Variants in RDH14 observed in about 807,000 individuals in gnomAD.
RDH14 encodes the protein alcohol dehydrogenase PAN2.
In RDH14, 17 loss-of-function variants were observed where a neutral mutation model predicts 19.3. The observed-to-expected ratio is 0.88, with a 90% CI of 0.60 to 1.32. The LOEUF is 1.32. RDH14 is among the 40% of genes most tolerant of loss of function. The pLI is 0.00. For missense variants in RDH14, 534 were observed against 449.2 expected (o/e 1.19, Z -1.71); for synonymous variants, 215 against 188.9 (o/e 1.14, Z -1.13).
chr2:18,559,499 TTTTCA>T (rs1375539432), intron 1 of RDH14, among the ~76,000 whole-genome samples: 3 of 152,194 alleles, frequency 2.0e-5, no homozygotes, highest in South Asian at 2.1e-4. Context: ...GGACACTTCA[TTTTCA>T]TTTAAGACAA....
At chr2:18,558,916 G>A (rs1258800513) in intron 1 of RDH14, among the ~76,000 whole-genome samples, 1 of 152,202 alleles carries the variant, frequency 6.6e-6, no homozygotes, top group East Asian at 1.9e-4. Context: ...CCTTACATAT[G>A]TGATTGATGT....
In RDH14 at chr2:18,555,391, C is replaced by G. The variant is rs780348222; in HGVS notation, c.811G>C (p.Val271Leu). ...GGAGTTTTGAAAAAAGCCCATGACA[C>G]CAAATTGAAGAGTGGTTTGACCAAC... ...PLLVKPLFNL[V>L]SWAFFKTPVE... Residue 271 changes from valine to leucine, a missense_variant, in exon 2 of 2, where the codon GTG becomes CTG. Transcript: ENST00000381249. 3.7e-6 allele frequency: 6 copies of G among 1,613,916 alleles called. No individual in the cohort carries two copies. In the African/African-American group the frequency reaches 5.3e-5, roughly 14 times the overall value.
chr2:18,556,841 A>G (rs2148052952), intron 1 of RDH14, among the ~76,000 whole-genome samples: 1 of 152,340 alleles, frequency 6.6e-6, no homozygotes, highest in East Asian at 1.9e-4. Context: ...TTTATTCTGT[A>G]GTTCTCTCAG....
chr2:18,560,104 C>A, intron 1 of RDH14, 76 bp downstream of exon 1: 1 of 1,449,556 alleles, frequency 6.9e-7, no homozygotes, highest in Non-Finnish European at 9.1e-7. Flanking sequence ...TCCCTCGCGG[C>A]TCAGCCCCAG....
intron 1 of RDH14, among the ~76,000 whole-genome samples, chr2:18,557,280 T>C (rs1272667414): frequency 6.6e-6 from 1 of 152,188 alleles, no homozygotes; most frequent in Admixed American, 6.5e-5. Context: ...TGAGGTCAAC[T>C]TTCAAATTTC....
Position 18,555,338 on chromosome 2 carries a change from A to G in RDH14, c.864T>C (p.Tyr288=). ...CTTCTACCTCAGGTGAAGAGGCCAAATAAATGGAAGTCTGGGCACCTTCTA... is the reference window on the plus strand; with the variant it reads ...CTTCTACCTCAGGTGAAGAGGCCAAGTAAATGGAAGTCTGGGCACCTTCTA... ...TPVEGAQTSI[Y]LASSPEVEGV... is the part of the protein sequence containing the mutation. Residue 288 remains tyrosine, a synonymous_variant, in exon 2 of 2, where the codon TAT becomes TAC. Coordinates refer to ENST00000381249, the MANE Select transcript of RDH14 (RefSeq NM_020905.4). 3 of 1,614,096 alleles carry G rather than the reference A, an allele frequency of 1.9e-6. No individual in the cohort carries two copies. Among genetic ancestry groups the G allele is most frequent in the Non-Finnish European group, 2.5e-6 (3 of 1,179,966 alleles).
rs1457801559 is a variant in RDH14, at chr2:18,560,046, C to T, written c.393+134G>A. 7.7e-6 allele frequency: 8 copies of T among 1,043,160 alleles called. 1 individual carries two copies. In the Middle Eastern group the frequency reaches 2.2e-3, roughly 289 times the overall value. The allele number at this position is 1,043,160 out of a possible 1,614,324, so 64.6% of individuals were successfully genotyped here. ...CGCCTCAAAGTGGCTTTTTGGACTC[C>T]TCTCAGCCTCAGCGGTTCCCAAGGT... is the stretch of plus-strand genomic sequence containing the variant. On this transcript the variant is annotated intron_variant, in intron 1 of 1. Coordinates refer to ENST00000381249, the MANE Select transcript of RDH14 (RefSeq NM_020905.4).
rs1430461419 is a variant in RDH14, at chr2:18,560,167, C to G, written c.393+13G>C. The G allele has an allele frequency of 3.3e-6, 5 of 1,525,672 alleles. No individual in the cohort carries two copies. In the Admixed American group the frequency reaches 7.9e-5, roughly 24 times the overall value. 94.5% of individuals were successfully genotyped at this position (1,525,672 alleles called of 1,614,324 possible). A position where few individuals can be genotyped will look rare whatever the true frequency, so the allele number is the denominator to read the frequency against. On this transcript the variant is annotated intron_variant, in intron 1 of 1. Transcript: ENST00000381249. ...AGGCCCTCCCCACCAGCCCGGCCCC[C>G]CGAGGCCCACACCTGGAGCATTTCC...
intron 1 of RDH14, among the ~76,000 whole-genome samples, chr2:18,556,721 A>T (rs1342151168): frequency 2.0e-5 from 3 of 152,214 alleles, no homozygotes; most frequent in Admixed American, 2.0e-4. Context: ...TTTTCAAAAC[A>T]GCTAGAGAGG....
At chr2:18,556,009 C>T (rs73916874) in intron 1 of RDH14, among the ~76,000 whole-genome samples, 3,144 of 152,196 alleles carry the variant, frequency 0.021, 92 homozygotes, top group African/African-American at 0.071. Flanking sequence ...GGGATTCCTC[C>T]GCAGGATGTT....
intron 1 of RDH14, 95 bp from the exon 2 acceptor site, chr2:18,555,903 G>GCA: frequency 6.7e-7 from 1 of 1,489,818 alleles, no homozygotes; most frequent in Non-Finnish European, 8.9e-7. Context: ...ATAAAAATGG[G>GCA]CACTTGAGAC....
Position 18,555,334 on chromosome 2 carries a change from C to T in RDH14, c.868G>A (p.Ala290Thr). 2 of 1,614,022 alleles carry T rather than the reference C, an allele frequency of 1.2e-6. No individual in the cohort carries two copies. Among genetic ancestry groups the T allele is most frequent in the South Asian group, 1.1e-5 (1 of 91,080 alleles). Reference protein sequence around the residue: ...VEGAQTSIYLASSPEVEGVSG... With the variant: ...VEGAQTSIYLTSSPEVEGVSG... ...ACTCCTTCTACCTCAGGTGAAGAGG[C>T]CAAATAAATGGAAGTCTGGGCACCT... Residue 290 changes from alanine to threonine, a missense_variant, in exon 2 of 2, where the codon GCC becomes ACC. Ala to Thr is a moderately conservative substitution (Grantham distance 58). Transcript: ENST00000381249.
chr2:18,555,293 A>G lies in RDH14; in HGVS notation c.909T>C (p.Phe303=). The G allele has an allele frequency of 6.2e-7, 1 of 1,614,112 alleles. No homozygotes were observed. Among genetic ancestry groups the G allele is most frequent in the East Asian group, 2.2e-5 (1 of 44,880 alleles). The change falls in exon 2 of 2, where the codon TTT becomes TTC. Residue 303 remains phenylalanine (F), a synonymous_variant. Transcript: ENST00000381249. ...PEVEGVSGRY[F]GDCKEEELLP... is the part of the protein sequence containing the mutation. Reference sequence around the variant, plus strand: ...ACAGTTCTTCCTCTTTACAATCCCCAAAGTATCTTCCTGACACTCCTTCTA... The same window carrying G: ...ACAGTTCTTCCTCTTTACAATCCCCGAAGTATCTTCCTGACACTCCTTCTA...
Position 18,555,388 on chromosome 2 carries a change from A to T in RDH14, c.814T>A (p.Ser272Thr). The T allele has an allele frequency of 6.2e-7, 1 of 1,614,126 alleles. No individual in the cohort carries two copies. Among genetic ancestry groups the T allele is most frequent in the Non-Finnish European group, 8.5e-7 (1 of 1,179,996 alleles). ...LLVKPLFNLVSWAFFKTPVEG... is the reference protein window; with the variant it reads ...LLVKPLFNLVTWAFFKTPVEG... ...ACTGGAGTTTTGAAAAAAGCCCATG[A>T]CACCAAATTGAAGAGTGGTTTGACC... The change falls in exon 2 of 2, where the codon TCA becomes ACA. Residue 272 changes from serine to threonine, a missense_variant. Physicochemically the swap from Ser to Thr is moderately conservative, Grantham distance 58. Transcript: ENST00000381249.
chr2:18,560,214 C>G lies in RDH14; in HGVS notation c.359G>C (p.Arg120Pro). 2.6e-6 allele frequency: 4 copies of G among 1,527,668 alleles called. No individual in the cohort carries two copies. Among genetic ancestry groups the G allele is most frequent in the Non-Finnish European group, 1.7e-6 (2 of 1,143,874 alleles). The allele number at this position is 1,527,668 out of a possible 1,614,324, so 94.6% of individuals were successfully genotyped here. Residue 120 changes from arginine to proline, a missense_variant, in exon 1 of 2, where the codon CGC becomes CCC. Coordinates refer to ENST00000381249, the MANE Select transcript of RDH14 (RefSeq NM_020905.4). ...TTCCTGGCAGAAGGCGCGCACCGAG[C>G]GCAGCGAGGCGAGGTCCAGCTCCCG... ...IVRELDLASL[R>P]SVRAFCQEML...
chr2:18,560,609 G>C lies in RDH14; in HGVS notation c.-37C>G. Reference sequence around the variant, plus strand: ...AGGGCCCACCGGCCCCTCCACGGGAGTTCCGCAGCCGCCGCCTTACCGGAA... The same window carrying C: ...AGGGCCCACCGGCCCCTCCACGGGACTTCCGCAGCCGCCGCCTTACCGGAA... On this transcript the variant is annotated 5_prime_UTR_variant, in exon 1 of 2. Transcript: ENST00000381249. The C allele has an allele frequency of 1.4e-6, 2 of 1,389,858 alleles. No homozygotes were observed. The highest frequency in any genetic ancestry group is 1.8e-6 in the Non-Finnish European group (2 of 1,082,354). The allele number at this position is 1,389,858 out of a possible 1,614,324, so 86.1% of individuals were successfully genotyped here.
chr2:18,560,411 G>A lies in RDH14; in HGVS notation c.162C>T (p.Gly54=). ...KTVLITGANS[G]LGRATAAELL... ...GCTCGGCGGCCGTGGCGCGGCCCAG[G>A]CCGCTGTTCGCCCCGGTGATCAGCA... Residue 54 remains glycine (G), a synonymous_variant, in exon 1 of 2, where the codon GGC becomes GGT. Coordinates refer to ENST00000381249, the MANE Select transcript of RDH14 (RefSeq NM_020905.4). 6.7e-7 allele frequency: 1 copy of A among 1,499,432 alleles called. No individual in the cohort carries two copies. The highest frequency in any genetic ancestry group is 2.8e-5 in the East Asian group (1 of 35,740). 92.9% of individuals were successfully genotyped at this position (1,499,432 alleles called of 1,614,324 possible). A position where few individuals can be genotyped will look rare whatever the true frequency, so the allele number is the denominator to read the frequency against.
intron 1 of RDH14, among the ~76,000 whole-genome samples, chr2:18,556,705 T>C (rs1475386487): frequency 2.0e-5 from 3 of 152,180 alleles, no homozygotes; most frequent in South Asian, 2.1e-4. Context: ...GGCTTTCTAA[T>C]TGGGATTTTC....
chr2:18,556,236 C>G (rs978852242), intron 1 of RDH14, among the ~76,000 whole-genome samples: 7 of 152,178 alleles, frequency 4.6e-5, no homozygotes, highest in African/African-American at 7.2e-5. Flanking sequence ...ACTACGTGAT[C>G]AGTACCAAGA....
Sources: allele counts gnomAD v4.1 joint callset (sites outside exome capture counted in the v4.1 genomes callset), GRCh38; gene constraint gnomAD v4.1.1; transcripts MANE v1.5; gene names NCBI Gene and HGNC (gene_info 2026-07-23, HGNC 2026-07-21).